FNBP1L: variants seen among roughly 807,000 people sequenced by gnomAD.
FNBP1L encodes formin-binding protein 1-like.
A neutral mutation model predicts 91.2 loss-of-function variants in FNBP1L; 36 were observed. The observed-to-expected ratio is 0.39, with a 90% CI of 0.30 to 0.52. The LOEUF (loss-of-function observed/expected upper bound fraction) is 0.52, where lower values mean the gene tolerates loss of function less well. Ranked by LOEUF, FNBP1L falls within the 20% of genes least tolerant of loss-of-function variation. The probability of loss-of-function intolerance (pLI) is 0.66; values close to 1 mark genes in which losing one functional copy is unlikely to be tolerated. For missense variants in FNBP1L, 571 were observed against 732.1 expected (o/e 0.78, Z 2.54); for synonymous variants, 242 against 237.0 (o/e 1.02, Z -0.19).
rs1050054465 is a variant in FNBP1L at position 93,511,000 on chromosome 1, G to T, written c.141-11082G>T. On this transcript the variant is annotated intron_variant, in intron 2 of 16. Transcript: ENST00000271234. ...CTGATTGGTGTACCTGAAAGTGACGGGGAGAATGGAACCAAGTTGGAAAAC... is the reference window on the plus strand; with the variant it reads ...CTGATTGGTGTACCTGAAAGTGACGTGGAGAATGGAACCAAGTTGGAAAAC... 3.0e-4 allele frequency among the ~76,000 whole-genome samples: 46 copies of T among 152,146 alleles called. No homozygotes were observed. The South Asian group carries it at 6.8e-3, about 23-fold the overall frequency.
intron 11 of FNBP1L, among the ~76,000 whole-genome samples, chr1:93,542,161 A>C (rs1036407636): frequency 6.6e-6 from 1 of 152,064 alleles, no homozygotes; most frequent in East Asian, 1.9e-4. Context: ...CTGTAATCCC[A>C]GCTATTTGGG....
At chr1:93,519,052 A>C (rs1386501081) in intron 2 of FNBP1L, among the ~76,000 whole-genome samples, 1 of 152,202 alleles carries the variant, frequency 6.6e-6, no homozygotes, top group African/African-American at 2.4e-5. Context: ...CTGTCAGTCT[A>C]GTATCTGAAA....
chr1:93,472,532 G>T (rs576492806), intron 1 of FNBP1L, among the ~76,000 whole-genome samples: 15 of 151,812 alleles, frequency 9.9e-5, no homozygotes, highest in Non-Finnish European at 1.8e-4. Flanking sequence ...AAAATCCTCG[G>T]CCGGGCGTGG....
Position 93,551,085 on chromosome 1 carries a change from C to T in FNBP1L, c.1790C>T (p.Thr597Ile), listed in dbSNP as rs747661424. The part of the protein sequence containing the change: ...GYVPTSYIDV[T>I]LEKNSKGS Reference sequence around the variant, plus strand: ...GTTCCCACGTCATACATAGATGTAACTCTAGAGAAAAACAGTAAAGGTGCA... The same window carrying T: ...GTTCCCACGTCATACATAGATGTAATTCTAGAGAAAAACAGTAAAGGTGCA... Residue 597 changes from threonine (T) to isoleucine (I), a missense_variant, in exon 16 of 17, where the codon ACT becomes ATT. Around this residue, in one of 5 missense-constraint regions of FNBP1L, gnomAD observed 189 missense variants for 219.7 expected, o/e 0.86. Transcript: ENST00000271234. 16 of 1,608,830 alleles carry T rather than the reference C, an allele frequency of 9.9e-6. No homozygotes were observed. In the South Asian group the frequency reaches 1.2e-4, roughly 12 times the overall value.
intron 11 of FNBP1L, among the ~76,000 whole-genome samples, chr1:93,541,967 T>C (rs1341637921): frequency 6.6e-6 from 1 of 152,144 alleles, no homozygotes. Flanking sequence ...CAGATTTACT[T>C]GTAGGTTATT....
At chr1:93,479,442 A>C (rs1669614802) in intron 1 of FNBP1L, among the ~76,000 whole-genome samples, 1 of 152,224 alleles carries the variant, frequency 6.6e-6, no homozygotes, top group Non-Finnish European at 1.5e-5. Context: ...TCCAGAGCAG[A>C]GAACTGGTCT....
rs1380348041 is a variant in FNBP1L at position 93,448,168 on chromosome 1, G to A, written c.-114G>A. The A allele has an allele frequency of 2.9e-6, 4 of 1,370,636 alleles. No individual in the cohort carries two copies. The highest frequency in any genetic ancestry group is 1.5e-5 in the African/African-American group (1 of 65,476). 84.9% of individuals were successfully genotyped at this position (1,370,636 alleles called of 1,614,324 possible). ...GAGCCCGGCGGTGGCGGCACCTTTC[G>A]AGGTAGACCCGCTGAGCTGCTAGCC... On this transcript the variant is annotated 5_prime_UTR_variant, in exon 1 of 17. Coordinates refer to ENST00000271234, the MANE Select transcript of FNBP1L (RefSeq NM_001164473.3).
intron 11 of FNBP1L, 59 bp from the exon 12 acceptor site, chr1:93,544,048 A>AT: frequency 7.9e-7 from 1 of 1,259,680 alleles, no homozygotes; most frequent in South Asian, 1.5e-5. Context: ...TAGCAGGTAT[A>AT]TTTTAAAAAT....
intron 1 of FNBP1L, among the ~76,000 whole-genome samples, chr1:93,495,467 T>C (rs1670231465): frequency 6.6e-6 from 1 of 152,224 alleles, no homozygotes; most frequent in Non-Finnish European, 1.5e-5. Context: ...CATTTGTAGG[T>C]ATGCAAAGAA....
At chr1:93,454,862 A>G (rs1458824608) in intron 1 of FNBP1L, among the ~76,000 whole-genome samples, 1 of 152,076 alleles carries the variant, frequency 6.6e-6, no homozygotes, top group East Asian at 1.9e-4. Flanking sequence ...ATATGGGACG[A>G]TGTGTGTAGG....
intron 1 of FNBP1L, among the ~76,000 whole-genome samples, chr1:93,471,448 T>A (rs1188568147): frequency 6.6e-6 from 1 of 152,182 alleles, no homozygotes; most frequent in Non-Finnish European, 1.5e-5. Context: ...TTCCAGCACT[T>A]TGGGAGGCCA....
At chr1:93,524,561 TG>T (rs1326483916) in intron 5 of FNBP1L, among the ~76,000 whole-genome samples, 1 of 151,006 alleles carries the variant, frequency 6.6e-6, no homozygotes, top group African/African-American at 2.4e-5. Flanking sequence ...CTTCAATCAT[TG>T]TGAACATTTA....
At chr1:93,497,641 A>G (rs929129588) in intron 1 of FNBP1L, among the ~76,000 whole-genome samples, 7 of 152,154 alleles carry the variant, frequency 4.6e-5, no homozygotes, top group African/African-American at 1.4e-4. Flanking sequence ...ATTTTTTGAG[A>G]CAGAGTCTCA....
At chr1:93,509,264 G>A (rs115139729) in intron 2 of FNBP1L, among the ~76,000 whole-genome samples, 9 of 152,222 alleles carry the variant, frequency 5.9e-5, no homozygotes, top group African/African-American at 1.9e-4. Flanking sequence ...GTGGTAACTC[G>A]AGGATCCATA....
chr1:93,475,581 A>C (rs1669466593), intron 1 of FNBP1L, among the ~76,000 whole-genome samples: 2 of 152,040 alleles, frequency 1.3e-5, no homozygotes, highest in Non-Finnish European at 2.9e-5. Flanking sequence ...TATCTCCACC[A>C]CTCAGTACAC....
rs144435992 is a variant in FNBP1L at position 93,535,629 on chromosome 1, A to G, written c.991-703A>G. 2.0e-3 allele frequency among the ~76,000 whole-genome samples: 304 copies of G among 152,240 alleles called. 1 individual carries two copies. In the Middle Eastern group the frequency reaches 0.02, roughly 10 times the overall value. On this transcript the variant is annotated intron_variant, in intron 9 of 16. Coordinates refer to ENST00000271234, the MANE Select transcript of FNBP1L (RefSeq NM_001164473.3). ...TTTTAATTCATTTTTTGATCATGGC[A>G]TATGAGTGTAGATAAAATTAAAATT...
intron 5 of FNBP1L, among the ~76,000 whole-genome samples, chr1:93,528,727 G>A (rs1314889368): frequency 1.3e-5 from 2 of 152,024 alleles, no homozygotes; most frequent in Non-Finnish European, 2.9e-5. Context: ...TCAAATTCCA[G>A]CAAGTTTAGA....
At chr1:93,526,012 C>T (rs58343196) in intron 5 of FNBP1L, among the ~76,000 whole-genome samples, 4,364 of 151,968 alleles carry the variant, frequency 0.029, 216 homozygotes, top group African/African-American at 0.099. Flanking sequence ...GAAATAATTG[C>T]GAGGTGATGT....
At chr1:93,514,649 G>C (rs866527732) in intron 2 of FNBP1L, among the ~76,000 whole-genome samples, 87 of 152,246 alleles carry the variant, frequency 5.7e-4, no homozygotes, top group Middle Eastern at 3.4e-3. Context: ...ACAAACCTGA[G>C]AAAAACAAGC....
Sources: gnomAD v4.1 joint callset for allele counts (sites outside exome capture counted in the v4.1 genomes callset) on GRCh38, gnomAD v4.1.1 for gene constraint, gnomAD v4.1.1 regional missense constraint, MANE v1.5 for transcripts, NCBI Gene and HGNC (gene_info 2026-07-23, HGNC 2026-07-21) for gene names.